Variants in MTREX observed in about 807,000 individuals in gnomAD.
MTREX encodes exosome RNA helicase MTR4.
A neutral mutation model predicts 135.4 loss-of-function variants in MTREX; 76 were observed. The observed-to-expected ratio is 0.56, with a 90% CI of 0.47 to 0.68. The LOEUF (loss-of-function observed/expected upper bound fraction) is 0.68. MTREX is among the 30% of genes least tolerant of loss of function. The pLI, the probability that MTREX is intolerant of heterozygous loss-of-function variation, is 0.00. For missense variants in MTREX, 920 were observed against 1,262.1 expected, an observed-to-expected ratio of 0.73 and a Z score of 4.11; for synonymous variants, 404 against 401.6, an observed-to-expected ratio of 1.01 and a Z score of -0.07.
intron 14 of MTREX, among the ~76,000 whole-genome samples, chr5:55,355,474 C>T (rs1181760687): frequency 2.0e-5 from 3 of 152,108 alleles, no homozygotes; most frequent in African/African-American, 7.2e-5. Context: ...GAATGGACAT[C>T]CAAGGGGGAA....
At chr5:55,376,848 T>A (rs1167850397) in intron 16 of MTREX, among the ~76,000 whole-genome samples, 1 of 152,098 alleles carries the variant, frequency 6.6e-6, no homozygotes, top group African/African-American at 2.4e-5. Flanking sequence ...GGCAGGTGGA[T>A]CACTTGAGGT....
intron 21 of MTREX, among the ~76,000 whole-genome samples, chr5:55,404,830 A>C (rs1750777656): frequency 6.8e-6 from 1 of 146,860 alleles, no homozygotes; most frequent in African/African-American, 2.5e-5. Flanking sequence ...TTTAAGACGG[A>C]ATCTCGCTTT....
intron 15 of MTREX, 60 bp downstream of exon 15, chr5:55,358,758 A>T (rs1749961809): frequency 7.1e-7 from 1 of 1,416,464 alleles, no homozygotes; most frequent in Non-Finnish European, 9.5e-7. Flanking sequence ...TTCAGGAGCC[A>T]TTTCAGAATT....
chr5:55,398,799 T>C (rs1230962170), intron 20 of MTREX, among the ~76,000 whole-genome samples: 2 of 152,230 alleles, frequency 1.3e-5, no homozygotes, highest in South Asian at 2.1e-4. Flanking sequence ...GGTGTTGATA[T>C]ATTTCAGCTT....
chr5:55,341,553 A>C (rs957135321), intron 6 of MTREX, 128 bp from the exon 7 acceptor site: 1 of 543,846 alleles, frequency 1.8e-6, no homozygotes, highest in Non-Finnish European at 3.2e-6. Flanking sequence ...GTAACCCCTT[A>C]AAATTATTTT....
intron 18 of MTREX, among the ~76,000 whole-genome samples, chr5:55,387,442 A>G (rs559081019): frequency 1.3e-5 from 2 of 152,224 alleles, no homozygotes; most frequent in African/African-American, 2.4e-5. Flanking sequence ...TACTGAAAAA[A>G]TATCTTCTGT....
At chr5:55,362,664 A>G (rs1389923260) in intron 15 of MTREX, among the ~76,000 whole-genome samples, 4 of 152,128 alleles carry the variant, frequency 2.6e-5, no homozygotes, top group African/African-American at 9.7e-5. Context: ...CCCAGCCAAG[A>G]CAGCAGTTCT....
intron 5 of MTREX, among the ~76,000 whole-genome samples, chr5:55,338,279 C>T (rs1749585682): frequency 6.6e-6 from 1 of 152,040 alleles, no homozygotes; most frequent in African/African-American, 2.4e-5. Flanking sequence ...TATAGAGTTC[C>T]TGGTTGACCG....
chr5:55,416,418 C>T (rs907765813), intron 25 of MTREX, among the ~76,000 whole-genome samples: 2 of 151,902 alleles, frequency 1.3e-5, no homozygotes, highest in African/African-American at 4.8e-5. Flanking sequence ...CCTAAGAAGT[C>T]ATATTTATGT....
At chr5:55,383,034 T>C (rs1750421421) in intron 18 of MTREX, among the ~76,000 whole-genome samples, 1 of 152,228 alleles carries the variant, frequency 6.6e-6, no homozygotes, top group African/African-American at 2.4e-5. Flanking sequence ...TGGTTCTATT[T>C]GTTCCTGTGG....
chr5:55,379,460 C>T (rs1750358202), intron 18 of MTREX, among the ~76,000 whole-genome samples: 1 of 152,102 alleles, frequency 6.6e-6, no homozygotes, highest in African/African-American at 2.4e-5. Context: ...GCTGGGATTA[C>T]AGGTGTGAGC....
chr5:55,326,081 T>C (rs190151699), intron 3 of MTREX, among the ~76,000 whole-genome samples: 6 of 152,262 alleles, frequency 3.9e-5, no homozygotes, highest in African/African-American at 1.4e-4. Flanking sequence ...TATTCAGTTA[T>C]CTGGGCTTAT....
In MTREX at chr5:55,340,049, A is replaced by C; in HGVS notation, c.555A>C (p.Val185=). 1 of 1,587,234 alleles carries C rather than the reference A, an allele frequency of 6.3e-7. No individual in the cohort carries two copies. The highest frequency in any genetic ancestry group is 8.6e-7 in the Non-Finnish European group (1 of 1,167,744). ...IALALREKQR[V]IFTSPIKALS... ...TGGCCTTAAGGGAAAAGCAGCGTGT[A>C]ATATTTACCAGCCCAATTAAGGCTC... Residue 185 remains valine (V), a synonymous_variant, in exon 6 of 27, where the codon GTA becomes GTC. Transcript: ENST00000230640.
At chr5:55,357,255 T>C (rs987659221) in intron 14 of MTREX, 9 of 152,610 alleles carry the variant, frequency 5.9e-5, no homozygotes, top group African/African-American at 2.2e-4. Flanking sequence ...CCTTTGCCAA[T>C]TGGGGTCTTC....
chr5:55,406,755 T>C (rs1415050489), intron 22 of MTREX, among the ~76,000 whole-genome samples: 4 of 152,252 alleles, frequency 2.6e-5, no homozygotes, highest in African/African-American at 9.6e-5. Context: ...TTATAATTTA[T>C]ATCATTTTAA....
intron 16 of MTREX, among the ~76,000 whole-genome samples, chr5:55,372,892 ATG>A (rs59026723): frequency 0.19 from 23,105 of 120,588 alleles, 1,592 homozygotes; most frequent in Admixed American, 0.2. Context: ...TAAAACTGTA[ATG>A]TGTGTGTGTG....
At chr5:55,373,557 T>C (rs1421450395) in intron 16 of MTREX, among the ~76,000 whole-genome samples, 2 of 152,340 alleles carry the variant, frequency 1.3e-5, no homozygotes, top group South Asian at 4.1e-4. Flanking sequence ...ATTTTTTTTA[T>C]CTATTTTTAA....
chr5:55,317,837 G>A (rs980823619), intron 1 of MTREX, among the ~76,000 whole-genome samples: 1 of 152,124 alleles, frequency 6.6e-6, no homozygotes, highest in Non-Finnish European at 1.5e-5. Context: ...AGAGTAAACA[G>A]ACAACCCACA....
intron 4 of MTREX, 138 bp from the exon 5 acceptor site, chr5:55,328,561 G>T (rs1749419175): frequency 3.5e-6 from 2 of 573,622 alleles, no homozygotes; most frequent in South Asian, 4.4e-5. Context: ...TCACTAATGT[G>T]TAGTATATTT....
Sources: gnomAD v4.1 joint callset for allele counts (sites outside exome capture counted in the v4.1 genomes callset) on GRCh38, gnomAD v4.1.1 for gene constraint, MANE v1.5 for transcripts, NCBI Gene and HGNC (gene_info 2026-07-23, HGNC 2026-07-21) for gene names.